CAMKV: variants seen among roughly 807,000 people sequenced by gnomAD.
The protein encoded by CAMKV is caM kinase-like vesicle-associated protein.
Under a neutral mutation model 50.2 loss-of-function variants are expected in CAMKV, and 5 were observed. The ratio of observed to expected loss-of-function variants is 0.10; its 90% CI spans 0.05 to 0.21. CAMKV has a LOEUF of 0.21. CAMKV is among the 10% of genes least tolerant of loss of function. The pLI, the probability that CAMKV is intolerant of heterozygous loss-of-function variation, is 1.00. For missense variants in CAMKV, 361 were observed against 650.5 expected (o/e 0.55, Z 4.84); for synonymous variants, 229 against 250.1 (o/e 0.92, Z 0.80).
At position 49,859,328 on chromosome 3, in the gene CAMKV, T is replaced by C. The variant is rs2082000886; in HGVS notation, c.1496A>G (p.Glu499Gly). 2 of 1,528,574 alleles carry C rather than the reference T, an allele frequency of 1.3e-6. No homozygotes were observed. Among genetic ancestry groups the C allele is most frequent in the South Asian group, 1.3e-5 (1 of 76,694 alleles). The allele number at this position is 1,528,574 out of a possible 1,614,324, so 94.7% of individuals were successfully genotyped here. A position where few individuals can be genotyped will look rare whatever the true frequency, so the allele number is the denominator to read the frequency against. ...CACCAGGCTGCCTACTCAGCTGGCC[T>C]CCTCCCTTTGAGACTCCTGGGCATA... ...AGYAQESQREEAS is the reference protein window; with the variant it reads ...AGYAQESQREGAS The change falls in exon 11 of 11, where the codon GAG becomes GGG. Residue 499 changes from glutamate to glycine, a missense_variant. Transcript: ENST00000477224. This position sits in a 1 kb window ranked among gnomAD's most constrained non-coding sequence, Gnocchi z 5.5.
chr3:49,860,632 C>A lies in CAMKV; in HGVS notation c.776-83G>T. The A allele has an allele frequency of 6.2e-7, 1 of 1,610,924 alleles. No homozygotes were observed. Among genetic ancestry groups the A allele is most frequent in the African/African-American group, 1.3e-5 (1 of 74,950 alleles). On this transcript the variant is annotated intron_variant, in intron 8 of 10. Coordinates refer to ENST00000477224, the MANE Select transcript of CAMKV (RefSeq NM_024046.5). This position sits in a 1 kb window ranked among gnomAD's most constrained non-coding sequence, Gnocchi z 6.1. Reference sequence around the variant, plus strand: ...TGATAAATGGGCTGGGGGACAGAAGCAGAATACCACAGAGGAAGATGAGAG... The same window carrying A: ...TGATAAATGGGCTGGGGGACAGAAGAAGAATACCACAGAGGAAGATGAGAG...
chr3:49,867,884 C>T (rs567152275), intron 1 of CAMKV, among the ~76,000 whole-genome samples: 10 of 152,290 alleles, frequency 6.6e-5, no homozygotes, highest in African/African-American at 2.2e-4. Context: ...CTGAAGGGGG[C>T]GGATGGGTGC....
Position 49,861,930 on chromosome 3 carries a change from C to T in CAMKV, c.228-65G>A. The T allele has an allele frequency of 1.2e-6, 2 of 1,603,418 alleles. No homozygotes were observed. The highest frequency in any genetic ancestry group is 1.7e-6 in the Non-Finnish European group (2 of 1,172,748). On this transcript the variant is annotated intron_variant, in intron 3 of 10. Transcript: ENST00000477224. This position sits in a 1 kb window ranked among gnomAD's most constrained non-coding sequence, Gnocchi z 7.7. Reference sequence around the variant, plus strand: ...AACCCCTGGGAGAGGCTGTGGTCACCACAGTGGCCACAGCAGACTAATTGG... The same window carrying T: ...AACCCCTGGGAGAGGCTGTGGTCACTACAGTGGCCACAGCAGACTAATTGG...
chr3:49,860,964 A>G lies in CAMKV; in HGVS notation c.617T>C (p.Ile206Thr). ...TCACAGGATGTACATGATGACTCCA[A>G]TGGCCCAGCAGTCCACAGGGCGTCC... ...RYGRPVDCWA[I>T]GVIMYILLSG... The change falls in exon 7 of 11, where the codon ATT (isoleucine) becomes ACT (threonine). Residue 206 changes from isoleucine to threonine, a missense_variant. Ile to Thr is a moderately conservative substitution (Grantham distance 89). This residue lies in a region of CAMKV where 172 missense variants were observed against 414.3 expected (regional missense o/e 0.42). Transcript: ENST00000477224. The surrounding 1 kb of genome is among the most constrained non-coding windows in gnomAD (Gnocchi z 6.1). 6.2e-7 allele frequency: 1 copy of G among 1,614,052 alleles called. No homozygotes were observed. Among genetic ancestry groups the G allele is most frequent in the Non-Finnish European group, 8.5e-7 (1 of 1,179,988 alleles).
chr3:49,861,941 C>T lies in CAMKV; in HGVS notation c.228-76G>A. ...GAGGCTGTGGTCACCACAGTGGCCACAGCAGACTAATTGGCCAGAGGCTGG... is the reference window on the plus strand; with the variant it reads ...GAGGCTGTGGTCACCACAGTGGCCATAGCAGACTAATTGGCCAGAGGCTGG... On this transcript the variant is annotated intron_variant, in intron 3 of 10. Coordinates refer to ENST00000477224, the MANE Select transcript of CAMKV (RefSeq NM_024046.5). This position sits in a 1 kb window ranked among gnomAD's most constrained non-coding sequence, Gnocchi z 7.7. The T allele has an allele frequency of 6.2e-7, 1 of 1,607,522 alleles. No individual in the cohort carries two copies. The highest frequency in any genetic ancestry group is 8.5e-7 in the Non-Finnish European group (1 of 1,176,204).
At chr3:49,866,099 A>ACTC (rs59752228) in intron 1 of CAMKV, among the ~76,000 whole-genome samples, 138,565 of 150,584 alleles carry the variant, frequency 0.92, 63,940 homozygotes, top group East Asian at 0.99. Context: ...TCAGCCAGTC[A>ACTC]CTCCTCCTCC....
chr3:49,863,962 G>A (rs541544341), intron 1 of CAMKV, among the ~76,000 whole-genome samples: 1 of 152,100 alleles, frequency 6.6e-6, no homozygotes, highest in Non-Finnish European at 1.5e-5. Flanking sequence ...TACCTGGCTT[G>A]GGTAAATTTT....
At position 49,860,297 on chromosome 3, in the gene CAMKV, A is replaced by G. The variant is rs2082010117; in HGVS notation, c.855-39T>C. 6.3e-7 allele frequency: 1 copy of G among 1,599,038 alleles called. No homozygotes were observed. The highest frequency in any genetic ancestry group is 8.6e-7 in the Non-Finnish European group (1 of 1,166,340). ...AAGTGTGTCTGGATCTGAGAGAATG[A>G]GCCTTTGTGGAGACTCTGCTCAGCC... On this transcript the variant is annotated intron_variant, in intron 9 of 10. Transcript: ENST00000477224. This position sits in a 1 kb window ranked among gnomAD's most constrained non-coding sequence, Gnocchi z 6.1.
chr3:49,859,718 T>A lies in CAMKV; in HGVS notation c.1106A>T (p.Asp369Val). Residue 369 changes from aspartate to valine, a missense_variant, in exon 11 of 11, where the codon GAT becomes GTT. Physicochemically the swap from Asp to Val is radical, Grantham distance 152. This residue lies in a region of CAMKV where 87 missense variants were observed against 92.0 expected (regional missense o/e 0.95). Coordinates refer to ENST00000477224, the MANE Select transcript of CAMKV (RefSeq NM_024046.5). The surrounding 1 kb of genome is among the most constrained non-coding windows in gnomAD (Gnocchi z 5.5). Reference protein sequence around the residue: ...ASGATSAPEGDAARAAKSDNV... With the variant: ...ASGATSAPEGVAARAAKSDNV... ...ATCACTCTTTGCAGCACGAGCAGCATCACCCTCAGGGGCTGAGGTAGCTCC... is the reference window on the plus strand; with the variant it reads ...ATCACTCTTTGCAGCACGAGCAGCAACACCCTCAGGGGCTGAGGTAGCTCC... The A allele has an allele frequency of 6.2e-7, 1 of 1,604,616 alleles. No individual in the cohort carries two copies. Among genetic ancestry groups the A allele is most frequent in the East Asian group, 2.2e-5 (1 of 44,828 alleles).
chr3:49,864,791 G>A (rs1309008880), intron 1 of CAMKV, among the ~76,000 whole-genome samples: 4 of 152,196 alleles, frequency 2.6e-5, no homozygotes, highest in Admixed American at 1.3e-4. Context: ...GATGCTCCCC[G>A]ACCTGAAGGC....
chr3:49,859,437 C>A lies in CAMKV; in HGVS notation c.1387G>T (p.Ala463Ser). Reference protein sequence around the residue: ...ATKAAATPEPAMAQPDSTAPE... With the variant: ...ATKAAATPEPSMAQPDSTAPE... ...GCTGTGCTGTCCGGCTGGGCCATAG[C>A]CGGCTCAGGGGTGGCAGCTGCCTTG... The change falls in exon 11 of 11, where the codon GCT becomes TCT. Residue 463 changes from alanine (A) to serine (S), a missense_variant. Transcript: ENST00000477224. The surrounding 1 kb of genome is among the most constrained non-coding windows in gnomAD (Gnocchi z 5.5). 1 of 1,613,170 alleles carries A rather than the reference C, an allele frequency of 6.2e-7. No homozygotes were observed. Among genetic ancestry groups the A allele is most frequent in the Non-Finnish European group, 8.5e-7 (1 of 1,179,320 alleles).
In CAMKV at chr3:49,859,424, G is replaced by A. The variant is rs762305255; in HGVS notation, c.1400C>T (p.Pro467Leu). The change falls in exon 11 of 11, where the codon CCG becomes CTG. Residue 467 changes from proline (P) to leucine (L), a missense_variant. Transcript: ENST00000477224. This position sits in a 1 kb window ranked among gnomAD's most constrained non-coding sequence, Gnocchi z 5.5. Reference sequence around the variant, plus strand: ...GGCGCCCTCTGGGGCTGTGCTGTCCGGCTGGGCCATAGCCGGCTCAGGGGT... The same window carrying A: ...GGCGCCCTCTGGGGCTGTGCTGTCCAGCTGGGCCATAGCCGGCTCAGGGGT... ...AATPEPAMAQ[P>L]DSTAPEGATG... 2.7e-5 allele frequency: 43 copies of A among 1,612,140 alleles called. No individual in the cohort carries two copies. Among genetic ancestry groups the A allele is most frequent in the African/African-American group, 5.3e-5 (4 of 74,918 alleles).
At position 49,862,128 on chromosome 3, in the gene CAMKV, CT is replaced by C; in HGVS notation, c.143del (p.Lys48SerfsTer24). 6.2e-7 allele frequency: 1 copy of C among 1,614,212 alleles called. No homozygotes were observed. The highest frequency in any genetic ancestry group is 8.5e-7 in the Non-Finnish European group (1 of 1,180,040). ...TCTGGAACTTCTTGCAGGTGTGCAG[CT>C]TGCCTGTCGTCTTGTCCTTGGCCCG... ...IFRAKDKTTG[K>X]LHTCKKFQKR... On this transcript the variant is annotated frameshift_variant, in exon 3 of 11. Transcript: ENST00000477224. LOFTEE classifies it high-confidence loss of function. The surrounding 1 kb of genome is among the most constrained non-coding windows in gnomAD (Gnocchi z 5.2).
chr3:49,859,922 G>A lies in CAMKV; in HGVS notation c.943-41C>T, dbSNP rs1290364989. ...TGGAGAAAGGCTAAGGGTGAGGCTT[G>A]CTGGATCCATTGCTTGGCAGTGACC... On this transcript the variant is annotated intron_variant, in intron 10 of 10. Transcript: ENST00000477224. The surrounding 1 kb of genome is among the most constrained non-coding windows in gnomAD (Gnocchi z 5.5). 6 of 1,493,718 alleles carry A rather than the reference G, an allele frequency of 4.0e-6. No homozygotes were observed. The African/African-American group carries it at 7.0e-5, about 17-fold the overall frequency. The allele number at this position is 1,493,718 out of a possible 1,614,324, so 92.5% of individuals were successfully genotyped here. A position where few individuals can be genotyped will look rare whatever the true frequency, so the allele number is the denominator to read the frequency against.
At position 49,861,316 on chromosome 3, in the gene CAMKV, A is replaced by G; in HGVS notation, c.442-16T>C. Reference sequence around the variant, plus strand: ...GGTTCTCCAGCTGTGGTGTGAGAATAGCATGTGGGTGAGCAGAAGACACCA... The same window carrying G: ...GGTTCTCCAGCTGTGGTGTGAGAATGGCATGTGGGTGAGCAGAAGACACCA... On this transcript the variant is annotated splice_polypyrimidine_tract_variant and intron_variant, in intron 5 of 10. Transcript: ENST00000477224. The surrounding 1 kb of genome is among the most constrained non-coding windows in gnomAD (Gnocchi z 7.7). The G allele has an allele frequency of 6.2e-7, 1 of 1,614,118 alleles. No individual in the cohort carries two copies. Among genetic ancestry groups the G allele is most frequent in the Non-Finnish European group, 8.5e-7 (1 of 1,180,040 alleles).
Position 49,860,688 on chromosome 3 carries a change from A to T in CAMKV, c.775+28T>A. The T allele has an allele frequency of 6.2e-7, 1 of 1,613,772 alleles. No individual in the cohort carries two copies. The highest frequency in any genetic ancestry group is 8.5e-7 in the Non-Finnish European group (1 of 1,179,760). On this transcript the variant is annotated intron_variant, in intron 8 of 10. Transcript: ENST00000477224. The surrounding 1 kb of genome is among the most constrained non-coding windows in gnomAD (Gnocchi z 6.1). ...CACCCTCCCCACTCCCTTGCGTTCT[A>T]CCAAGTGCTGGGCAGGCACCTCCTC...
In CAMKV at chr3:49,869,287, G is replaced by A. The variant is rs1481254450; in HGVS notation, c.-15+471C>T. Among the ~76,000 whole-genome samples, 1 of 152,154 alleles carries A rather than the reference G, an allele frequency of 6.6e-6. No homozygotes were observed. Among genetic ancestry groups the A allele is most frequent in the Non-Finnish European group, 1.5e-5 (1 of 68,012 alleles). On this transcript the variant is annotated intron_variant, in intron 1 of 10. Coordinates refer to ENST00000477224, the MANE Select transcript of CAMKV (RefSeq NM_024046.5). This position sits in a 1 kb window ranked among gnomAD's most constrained non-coding sequence, Gnocchi z 5.2. Reference sequence around the variant, plus strand: ...GGGGCTGCTGGTCCCCAGGGGCTTGGAGCTTCCTCCCCCACCCCGCGGCAG... The same window carrying A: ...GGGGCTGCTGGTCCCCAGGGGCTTGAAGCTTCCTCCCCCACCCCGCGGCAG...
chr3:49,861,073 C>T lies in CAMKV; in HGVS notation c.563-55G>A, dbSNP rs754579583. On this transcript the variant is annotated intron_variant, in intron 6 of 10. Coordinates refer to ENST00000477224, the MANE Select transcript of CAMKV (RefSeq NM_024046.5). This position sits in a 1 kb window ranked among gnomAD's most constrained non-coding sequence, Gnocchi z 7.7. The stretch of plus-strand genomic sequence containing the variant: ...GTATCAGGCCTAGCCAGGTCCAGTA[C>T]CATCCACACCAGCTTCCTGAGATGA... 2.5e-6 allele frequency: 4 copies of T among 1,610,366 alleles called. No homozygotes were observed. In the South Asian group the frequency reaches 4.4e-5, roughly 18 times the overall value.
chr3:49,867,282 G>A (rs1369265653), intron 1 of CAMKV, among the ~76,000 whole-genome samples: 1 of 152,238 alleles, frequency 6.6e-6, no homozygotes, highest in Non-Finnish European at 1.5e-5. Context: ...CCGGTCAAGG[G>A]GCTGCCCTGA....
Sources: gnomAD v4.1 joint callset for allele counts (sites outside exome capture counted in the v4.1 genomes callset) on GRCh38, gnomAD v4.1.1 for gene constraint, gnomAD v4.1.1 regional missense constraint, Gnocchi (gnomAD v3.1) non-coding constraint, MANE v1.5 for transcripts, NCBI Gene and HGNC (gene_info 2026-07-23, HGNC 2026-07-21) for gene names.